The following SGCD variants were observed in gnomAD, a reference collection of about 807,000 sequenced individuals.
SGCD encodes sarcoglycan delta, also known as delta-sarcoglycan.
SGCD carries 18 observed loss-of-function variants against 36.6 expected under a neutral mutation model. The observed-to-expected ratio is 0.49, with a 90% CI of 0.34 to 0.73. The LOEUF is 0.73. Among genes scored for constraint, SGCD ranks in the 30% least tolerant of loss-of-function variants. SGCD has a pLI of 0.01. For synonymous variants in SGCD, 133 were observed against 130.6 expected (o/e 1.02, Z -0.12); for missense variants, 387 against 346.7 (o/e 1.12, Z -0.92).
intron 6 of SGCD, among the ~76,000 whole-genome samples, chr5:156,599,684 T>C (rs1761087242): frequency 2.6e-5 from 4 of 152,196 alleles, no homozygotes; most frequent in Admixed American, 2.6e-4. Flanking sequence ...ACTTTTATTC[T>C]GGAAAAGATA....
chr5:156,556,956 G>C (rs530205368), intron 4 of SGCD, among the ~76,000 whole-genome samples: 1 of 152,228 alleles, frequency 6.6e-6, no homozygotes, highest in South Asian at 2.1e-4. Context: ...ACATGTTCTA[G>C]AGTTAAAAGG....
intron 6 of SGCD, among the ~76,000 whole-genome samples, chr5:156,634,219 G>A (rs376884916): frequency 6.9e-6 from 1 of 145,198 alleles, no homozygotes; most frequent in African/African-American, 2.5e-5. Context: ...GACCCAATGA[G>A]TACCTTCTGT....
Position 156,161,947 on chromosome 5 carries a change from C to T in SGCD, c.-44+37928C>T, listed in dbSNP as rs184106940. Among the ~76,000 whole-genome samples the T allele has an allele frequency of 5.9e-5, 9 of 151,660 alleles. No individual in the cohort carries two copies. The South Asian group carries it at 8.3e-4, about 14-fold the overall frequency. Reference sequence around the variant, plus strand: ...TAGTTTTGACTGTTAAATTCAGTCACATGCAGTCATTTATTGTTAATTTCA... The same window carrying T: ...TAGTTTTGACTGTTAAATTCAGTCATATGCAGTCATTTATTGTTAATTTCA... On this transcript the variant is annotated intron_variant, in intron 3 of 9. Transcript: ENST00000517913.
chr5:156,330,253 A>T (rs527810045), intron 2 of SGCD, among the ~76,000 whole-genome samples: 1 of 152,230 alleles, frequency 6.6e-6, no homozygotes, highest in South Asian at 2.1e-4. Context: ...AATCCAAAAA[A>T]ATCTGAAGTC....
At chr5:156,160,311 A>G (rs971870021) in intron 3 of SGCD, among the ~76,000 whole-genome samples, 1 of 151,654 alleles carries the variant, frequency 6.6e-6, no homozygotes, top group African/African-American at 2.4e-5. Context: ...TCTTATATAT[A>G]CTAATTTGAA....
chr5:156,667,865 C>G (rs1753119159), intron 7 of SGCD, among the ~76,000 whole-genome samples: 1 of 152,170 alleles, frequency 6.6e-6, no homozygotes, highest in African/African-American at 2.4e-5. Context: ...TGTCATCAAC[C>G]AGTACAAAGT....
chr5:156,144,347 C>A (rs908510085), intron 3 of SGCD, among the ~76,000 whole-genome samples: 2 of 152,048 alleles, frequency 1.3e-5, no homozygotes, highest in East Asian at 1.9e-4. Context: ...AGTTTACAGT[C>A]CCACCAACAG....
the SGCD span, among the ~76,000 whole-genome samples, chr5:155,754,616 G>A: frequency 6.6e-6 from 1 of 152,244 alleles, no homozygotes; most frequent in Non-Finnish European, 1.5e-5. Context: ...GCAGCAATAT[G>A]TTATGGCGTC....
chr5:156,364,598 C>A (rs1190371512), intron 3 of SGCD, among the ~76,000 whole-genome samples: 1 of 152,106 alleles, frequency 6.6e-6, no homozygotes, highest in Non-Finnish European at 1.5e-5. Context: ...GGTTCAATAT[C>A]TTTTTAGTTT....
At chr5:156,025,014 A>G (rs993558969) in intron 1 of SGCD, among the ~76,000 whole-genome samples, 2 of 152,064 alleles carry the variant, frequency 1.3e-5, no homozygotes, top group South Asian at 2.1e-4. Flanking sequence ...TTGAGGAAAC[A>G]TTGTATTGGG....
At chr5:156,004,366 T>G (rs1454471802) in intron 1 of SGCD, among the ~76,000 whole-genome samples, 1 of 152,222 alleles carries the variant, frequency 6.6e-6, no homozygotes, top group Non-Finnish European at 1.5e-5. Flanking sequence ...CTGTTTCCAC[T>G]ATTATTAATG....
chr5:156,008,522 T>A (rs79998103), intron 1 of SGCD, among the ~76,000 whole-genome samples: 2,531 of 152,254 alleles, frequency 0.017, 73 homozygotes, highest in African/African-American at 0.057. Context: ...ACTATAGGCA[T>A]GGACCACCAT....
At chr5:156,316,486 A>G (rs1767520644) in intron 3 of SGCD, among the ~76,000 whole-genome samples, 1 of 151,966 alleles carries the variant, frequency 6.6e-6, no homozygotes, top group Middle Eastern at 3.2e-3. Flanking sequence ...AAAGACCTCA[A>G]ATAACTAAAA....
chr5:155,960,118 T>C (rs1397455857), intron 1 of SGCD, among the ~76,000 whole-genome samples: 1 of 152,062 alleles, frequency 6.6e-6, no homozygotes, highest in African/African-American at 2.4e-5. Context: ...TGTCTTCTCC[T>C]CCCTCCTTTT....
chr5:156,714,183 G>C (rs1333963086), intron 7 of SGCD, among the ~76,000 whole-genome samples: 1 of 152,140 alleles, frequency 6.6e-6, no homozygotes, highest in East Asian at 1.9e-4. Context: ...AGAAATTGGA[G>C]TCATCCAACA....
chr5:156,205,692 C>T (rs1295673816), intron 3 of SGCD, among the ~76,000 whole-genome samples: 3 of 151,986 alleles, frequency 2.0e-5, no homozygotes, highest in African/African-American at 4.8e-5. Context: ...AGGATAGTTA[C>T]TTCTACCTAA....
chr5:155,918,250 A>C (rs1165661856), intron 1 of SGCD, among the ~76,000 whole-genome samples: 1 of 152,234 alleles, frequency 6.6e-6, no homozygotes, highest in Admixed American at 6.5e-5. Context: ...AATGAAGATC[A>C]CCAGAATAGT....
intron 3 of SGCD, among the ~76,000 whole-genome samples, chr5:156,394,062 T>C (rs1204818423): frequency 1.3e-5 from 2 of 152,216 alleles, no homozygotes; most frequent in Non-Finnish European, 2.9e-5. Context: ...TATTGGACAC[T>C]TGGGAGGAAT....
intron 1 of SGCD, among the ~76,000 whole-genome samples, chr5:155,902,175 C>T (rs980178630): frequency 9.9e-5 from 15 of 152,196 alleles, no homozygotes; most frequent in African/African-American, 3.4e-4. Flanking sequence ...TTTCCACTCT[C>T]AGGCTCAGTT....
Sources: gnomAD v4.1 joint callset for allele counts (sites outside exome capture counted in the v4.1 genomes callset) on GRCh38, gnomAD v4.1.1 for gene constraint, MANE v1.5 for transcripts, NCBI Gene and HGNC (gene_info 2026-07-23, HGNC 2026-07-21) for gene names.